Variants in VWA3B observed in about 807,000 individuals in gnomAD.
The protein encoded by VWA3B is von Willebrand factor A domain containing 3B.
In VWA3B, 138 loss-of-function variants were observed where a neutral mutation model predicts 158.3. The observed-to-expected ratio is 0.87, with a 90% confidence interval of 0.76 to 1.00. The LOEUF (loss-of-function observed/expected upper bound fraction) is 1.00. Among genes scored for constraint, VWA3B ranks in the 50% least tolerant of loss-of-function variants. VWA3B has a pLI of 0.00. For synonymous variants in VWA3B, 596 were observed against 587.3 expected (o/e 1.01, Z -0.21); for missense variants, 1,555 against 1,565.1 (o/e 0.99, Z 0.11).
intron 12 of VWA3B, among the ~76,000 whole-genome samples, chr2:98,199,738 T>C (rs550529875): frequency 2.0e-5 from 3 of 152,332 alleles, no homozygotes; most frequent in East Asian, 1.9e-4. Flanking sequence ...CTGTTCCCTA[T>C]ATATACATCT....
In VWA3B at chr2:98,312,332, G is replaced by C; in HGVS notation, c.3868G>C (p.Val1290Leu). 1 of 1,612,736 alleles carries C rather than the reference G, an allele frequency of 6.2e-7. No homozygotes were observed. Among genetic ancestry groups the C allele is most frequent in the Non-Finnish European group, 8.5e-7 (1 of 1,179,128 alleles). The change falls in exon 28 of 28, where the codon GTC becomes CTC. Residue 1290 changes from valine to leucine, a missense_variant. Physicochemically the swap from Val to Leu is conservative, Grantham distance 32. Transcript: ENST00000477737. Reference sequence around the variant, plus strand: ...CCACAGCAGCAAAGGGCTGAGGAGCGTCCCTGAGACACTTTAAGGCCGTCT... The same window carrying C: ...CCACAGCAGCAAAGGGCTGAGGAGCCTCCCTGAGACACTTTAAGGCCGTCT... ...ATHSSKGLRSVPETL is the reference protein window; with the variant it reads ...ATHSSKGLRSLPETL
At chr2:98,325,953 A>G in the VWA3B span, among the ~76,000 whole-genome samples, 4 of 152,230 alleles carry the variant, frequency 2.6e-5, no homozygotes, top group African/African-American at 9.7e-5. Flanking sequence ...CCAAGTTCCA[A>G]TAAATTTAAA....
intron 5 of VWA3B, among the ~76,000 whole-genome samples, chr2:98,121,780 T>C (rs569231055): frequency 2.0e-5 from 3 of 151,718 alleles, no homozygotes; most frequent in South Asian, 2.1e-4. Context: ...AGTGAGGCCA[T>C]AGTTGTGCAT....
chr2:98,126,557 A>G (rs1346771948), intron 5 of VWA3B, among the ~76,000 whole-genome samples: 5 of 152,236 alleles, frequency 3.3e-5, no homozygotes, highest in Non-Finnish European at 7.3e-5. Flanking sequence ...AAGGTCATGC[A>G]TCAGACCAGG....
intron 10 of VWA3B, among the ~76,000 whole-genome samples, chr2:98,188,332 C>T (rs1013405630): frequency 1.3e-5 from 2 of 152,236 alleles, no homozygotes; most frequent in East Asian, 3.9e-4. Context: ...CTCAAACACA[C>T]GTCGTTTCTG....
intron 8 of VWA3B, among the ~76,000 whole-genome samples, chr2:98,170,997 T>C (rs1679538170): frequency 6.6e-6 from 1 of 152,150 alleles, no homozygotes; most frequent in African/African-American, 2.4e-5. Context: ...ATTTGCAAAA[T>C]GTGAATGATA....
chr2:98,236,541 A>C (rs1047041980), intron 18 of VWA3B, 33 bp from the exon 19 acceptor site: 4 of 1,613,726 alleles, frequency 2.5e-6, no homozygotes, highest in Non-Finnish European at 3.4e-6. Context: ...ATCAAGTTGT[A>C]AATTTTAAAA....
chr2:98,303,677 G>A (rs778837758), intron 25 of VWA3B, 25 bp from the exon 26 acceptor site: 3 of 1,604,180 alleles, frequency 1.9e-6, no homozygotes, highest in Non-Finnish European at 2.6e-6. Context: ...TTTAAGTTGA[G>A]TGAACTCTGT....
chr2:98,098,020 G>A (rs976712243), intron 2 of VWA3B, among the ~76,000 whole-genome samples: 19 of 151,974 alleles, frequency 1.3e-4, no homozygotes, highest in African/African-American at 4.3e-4. Context: ...CAATGTATTC[G>A]TTAATTTTCC....
In VWA3B at chr2:98,221,301, C is replaced by T. The variant is rs540129724; in HGVS notation, c.2019+3273C>T. ...CTGACAAAGAAAGCTCCACGAAAAG[C>T]CTGTTCCCCACCACCCCTGCCCGAG... On this transcript the variant is annotated intron_variant, in intron 14 of 27. Transcript: ENST00000477737. Among the ~76,000 whole-genome samples the T allele has an allele frequency of 2.6e-5, 4 of 152,280 alleles. No individual in the cohort carries two copies. The South Asian group carries it at 8.3e-4, about 32-fold the overall frequency.
intron 16 of VWA3B, among the ~76,000 whole-genome samples, chr2:98,233,719 T>C (rs1346983799): frequency 6.6e-6 from 1 of 152,192 alleles, no homozygotes; most frequent in African/African-American, 2.4e-5. Flanking sequence ...ATTTGCAGAT[T>C]ACTAGCTAAT....
intron 15 of VWA3B, among the ~76,000 whole-genome samples, chr2:98,229,315 G>T (rs1030857577): frequency 1.3e-5 from 2 of 152,230 alleles, no homozygotes; most frequent in African/African-American, 2.4e-5. Flanking sequence ...TTCTGCTGTG[G>T]GGGGCACAGT....
intron 9 of VWA3B, among the ~76,000 whole-genome samples, chr2:98,183,824 A>C (rs1680788209): frequency 6.6e-6 from 1 of 152,186 alleles, no homozygotes; most frequent in Admixed American, 6.5e-5. Context: ...TTCACCCTTC[A>C]TATTTGTGAA....
intron 7 of VWA3B, among the ~76,000 whole-genome samples, chr2:98,161,515 G>A (rs963660890): frequency 3.3e-5 from 5 of 152,206 alleles, no homozygotes; most frequent in African/African-American, 7.2e-5. Context: ...TAAGGTGGCT[G>A]AAGACAGAAG....
intron 23 of VWA3B, among the ~76,000 whole-genome samples, chr2:98,292,510 C>T (rs1309852479): frequency 6.6e-6 from 1 of 152,054 alleles, no homozygotes. Context: ...TAGGCTAAGG[C>T]ATGACACCCT....
intron 19 of VWA3B, among the ~76,000 whole-genome samples, chr2:98,247,668 C>T (rs1040476754): frequency 6.6e-6 from 1 of 152,004 alleles, no homozygotes; most frequent in Non-Finnish European, 1.5e-5. Flanking sequence ...CTCCTTTATA[C>T]AGTCTGTTTT....
At chr2:98,269,141 G>C (rs2202387) in intron 21 of VWA3B, among the ~76,000 whole-genome samples, 29,641 of 152,014 alleles carry the variant, frequency 0.19, 3,232 homozygotes, top group Admixed American at 0.34. Flanking sequence ...TATGCCTTAT[G>C]ATATTTAGTT....
At chr2:98,299,837 G>A (rs1017386012) in intron 24 of VWA3B, among the ~76,000 whole-genome samples, 3 of 152,120 alleles carry the variant, frequency 2.0e-5, no homozygotes, top group African/African-American at 4.8e-5. Context: ...CAGACCCTTG[G>A]GTCCTTGTCA....
At chr2:98,161,188 CAG>C (rs1678545802) in intron 7 of VWA3B, among the ~76,000 whole-genome samples, 1 of 152,222 alleles carries the variant, frequency 6.6e-6, no homozygotes, top group Non-Finnish European at 1.5e-5. Context: ...TATTTGGTGA[CAG>C]AACATGTCTC....
Sources: allele counts gnomAD v4.1 joint callset (sites outside exome capture counted in the v4.1 genomes callset), GRCh38; gene constraint gnomAD v4.1.1; transcripts MANE v1.5; gene names NCBI Gene and HGNC (gene_info 2026-07-23, HGNC 2026-07-21).